Variants in ATP6V0A4 observed in about 807,000 individuals in gnomAD.
ATP6V0A4 encodes the protein V-type proton ATPase 116 kDa subunit a 4.
Under a neutral mutation model 107.3 loss-of-function variants are expected in ATP6V0A4, and 86 were observed. The ratio of observed to expected loss-of-function variants is 0.80; its 90% CI spans 0.67 to 0.96. ATP6V0A4 has a LOEUF of 0.96. Among genes scored for constraint, ATP6V0A4 ranks in the 40% least tolerant of loss-of-function variants. ATP6V0A4 has a pLI of 0.00. For missense variants in ATP6V0A4, 908 were observed against 1,045.6 expected, an observed-to-expected ratio of 0.87 and a Z score of 1.81; for synonymous variants, 353 against 381.4, an observed-to-expected ratio of 0.93 and a Z score of 0.87.
chr7:138,737,001 G>A (rs1008584897), intron 15 of ATP6V0A4, among the ~76,000 whole-genome samples: 3 of 151,190 alleles, frequency 2.0e-5, no homozygotes, highest in African/African-American at 7.3e-5. Flanking sequence ...TGCGTTAAGA[G>A]CCCAGGCTAT....
At chr7:138,712,376 C>G (rs1392355466) in intron 20 of ATP6V0A4, among the ~76,000 whole-genome samples, 1 of 152,062 alleles carries the variant, frequency 6.6e-6, no homozygotes, top group African/African-American at 2.4e-5. Context: ...GGAATTTTGG[C>G]CAGAGGACAC....
intron 2 of ATP6V0A4, among the ~76,000 whole-genome samples, chr7:138,782,538 C>T (rs1807972005): frequency 6.6e-6 from 1 of 152,162 alleles, no homozygotes; most frequent in Admixed American, 6.5e-5. Flanking sequence ...AGCCTGAATA[C>T]AGAGAAATTC....
At chr7:138,753,315 G>A (rs557233478) in intron 10 of ATP6V0A4, among the ~76,000 whole-genome samples, 47 of 152,304 alleles carry the variant, frequency 3.1e-4, no homozygotes, top group African/African-American at 9.6e-4. Flanking sequence ...CAAGGAATGC[G>A]GAGGACGGCC....
chr7:138,748,188 T>C (rs759136243), intron 12 of ATP6V0A4, among the ~76,000 whole-genome samples: 4 of 151,736 alleles, frequency 2.6e-5, no homozygotes, highest in Non-Finnish European at 5.9e-5. Context: ...CAGCTTTCTC[T>C]CTCTAGGTGC....
chr7:138,743,109 C>T (rs1805717102), intron 14 of ATP6V0A4, among the ~76,000 whole-genome samples: 1 of 152,104 alleles, frequency 6.6e-6, no homozygotes, highest in Non-Finnish European at 1.5e-5. Context: ...CTCTTGGAGC[C>T]TCTCTGTGCC....
chr7:138,742,900 CAA>C (rs563017805), intron 14 of ATP6V0A4, among the ~76,000 whole-genome samples: 5 of 131,658 alleles, frequency 3.8e-5, no homozygotes, highest in East Asian at 4.5e-4. Flanking sequence ...AATTGCAAAG[CAA>C]AAAAAAAAAA....
chr7:138,714,252 A>AAC (rs56720362), intron 20 of ATP6V0A4, among the ~76,000 whole-genome samples: 1 of 148,550 alleles, frequency 6.7e-6, no homozygotes, highest in African/African-American at 2.5e-5. Context: ...AAAAAAAAAA[A>AAC]CGCTCCTCAG....
intron 2 of ATP6V0A4, among the ~76,000 whole-genome samples, chr7:138,783,466 T>A (rs1176328247): frequency 6.6e-6 from 1 of 152,148 alleles, no homozygotes; most frequent in African/African-American, 2.4e-5. Flanking sequence ...ATGGCTCATG[T>A]CTGAATTCCA....
At chr7:138,769,764 C>G (rs571643260) in intron 3 of ATP6V0A4, among the ~76,000 whole-genome samples, 1 of 152,278 alleles carries the variant, frequency 6.6e-6, no homozygotes, top group Admixed American at 6.5e-5. Flanking sequence ...CTTCAACATT[C>G]ACCCTCTCGT....
rs1806651515 is a variant in ATP6V0A4, at chr7:138,759,037, C to G, written c.639+715G>C. 2.0e-5 allele frequency among the ~76,000 whole-genome samples: 3 copies of G among 148,412 alleles called. No homozygotes were observed. In the Admixed American group the frequency reaches 2.0e-4, roughly 10 times the overall value. ...AAGTGCTGGGATTACAGGCATGAGCCACCATGCCCAGCCTATTTTTTTTTT... is the reference window on the plus strand; with the variant it reads ...AAGTGCTGGGATTACAGGCATGAGCGACCATGCCCAGCCTATTTTTTTTTT... On this transcript the variant is annotated intron_variant, in intron 8 of 21. Transcript: ENST00000310018.
In ATP6V0A4 at chr7:138,765,735, GGTTTTTGTTTTT is replaced by G. The variant is rs57065960; in HGVS notation, c.292-2722_292-2711del. On this transcript the variant is annotated intron_variant, in intron 5 of 21. Transcript: ENST00000310018. Reference sequence around the variant, plus strand: ...ATTACTCTCCTACTTTTATGCTGGTGGTTTTTGTTTTTGTTTTTGTTTTTGTTTTTGTTTTTG... The same window carrying G: ...ATTACTCTCCTACTTTTATGCTGGTGGTTTTTGTTTTTGTTTTTGTTTTTG... Among the ~76,000 whole-genome samples, 1,407 of 151,336 alleles carry G rather than the reference GGTTTTTGTTTTT, an allele frequency of 9.3e-3. 28 individuals are homozygous for G. The highest frequency in any genetic ancestry group is 0.031 in the African/African-American group (1,268 of 41,206).
Position 138,720,796 on chromosome 7 carries a change from C to T in ATP6V0A4, c.2139+1101G>A, listed in dbSNP as rs866181769. 2.6e-5 allele frequency among the ~76,000 whole-genome samples: 4 copies of T among 152,072 alleles called. No homozygotes were observed. In the South Asian group the frequency reaches 8.3e-4, roughly 32 times the overall value. ...GGATTATAGGTGCTCACCACCATGC[C>T]TGGCTAATTTTTGTATATTTAGTAG... On this transcript the variant is annotated intron_variant, in intron 19 of 21. Coordinates refer to ENST00000310018, the MANE Select transcript of ATP6V0A4 (RefSeq NM_020632.3).
At chr7:138,718,107 G>GGA (rs1804166617) in intron 19 of ATP6V0A4, among the ~76,000 whole-genome samples, 1 of 119,422 alleles carries the variant, frequency 8.4e-6, no homozygotes, top group East Asian at 3.1e-4. Context: ...GGGGGCGGGG[G>GGA]TGCAGTCACG....
chr7:138,751,872 G>A (rs949974998), intron 11 of ATP6V0A4, among the ~76,000 whole-genome samples: 10 of 152,072 alleles, frequency 6.6e-5, no homozygotes, highest in African/African-American at 1.9e-4. Flanking sequence ...GCATGGTGGC[G>A]CGTGCCTGTA....
chr7:138,709,208 CAAAAAAA>C (rs60144433), intron 21 of ATP6V0A4, among the ~76,000 whole-genome samples: 2 of 49,334 alleles, frequency 4.1e-5, no homozygotes, highest in East Asian at 6.1e-4. Flanking sequence ...GAGCCTGTCT[CAAAAAAA>C]AAAAAAAAAA....
intron 2 of ATP6V0A4, among the ~76,000 whole-genome samples, chr7:138,785,725 C>T (rs1808148734): frequency 6.6e-6 from 1 of 152,020 alleles, no homozygotes; most frequent in Non-Finnish European, 1.5e-5. Flanking sequence ...CAACTTCCTC[C>T]ATTGTATGCA....
chr7:138,727,718 G>A lies in ATP6V0A4; in HGVS notation c.2010+1043C>T, dbSNP rs7788006. On this transcript the variant is annotated intron_variant, in intron 18 of 21. Coordinates refer to ENST00000310018, the MANE Select transcript of ATP6V0A4 (RefSeq NM_020632.3). ...ATCTACAACCATTTAAAACATACAC[G>A]GTCTCAGCACATTCCGCTTAATCTT... is the stretch of plus-strand genomic sequence containing the variant. Among the ~76,000 whole-genome samples, 1,355 of 152,210 alleles carry A rather than the reference G, an allele frequency of 8.9e-3. 22 individuals are homozygous for A. The highest frequency in any genetic ancestry group is 0.03 in the African/African-American group (1,231 of 41,524).
Position 138,746,030 on chromosome 7 carries a change from A to G in ATP6V0A4, c.1321-750T>C, listed in dbSNP as rs1399879893. ...TATATATATTTATAACATAATATAT[A>G]TTTATAATATATATTATATATATAT... On this transcript the variant is annotated intron_variant, in intron 13 of 21. Coordinates refer to ENST00000310018, the MANE Select transcript of ATP6V0A4 (RefSeq NM_020632.3). 1.6e-4 allele frequency among the ~76,000 whole-genome samples: 23 copies of G among 141,304 alleles called. 1 individual carries two copies. Among genetic ancestry groups the G allele is most frequent in the Non-Finnish European group, 3.0e-4 (20 of 66,484 alleles). The allele number at this position is 141,304 out of a possible 152,430, so 92.7% of individuals were successfully genotyped here.
Position 138,755,672 on chromosome 7 carries a change from C to T in ATP6V0A4, c.816+17G>A. 1.2e-6 allele frequency: 2 copies of T among 1,613,366 alleles called. No individual in the cohort carries two copies. Among genetic ancestry groups the T allele is most frequent in the Non-Finnish European group, 1.7e-6 (2 of 1,179,998 alleles). On this transcript the variant is annotated intron_variant, in intron 10 of 21. Transcript: ENST00000310018. The stretch of plus-strand genomic sequence containing the variant: ...CTGCAGCTGCCATCAGACCATGCGC[C>T]CAAACCCCTCACTCACGGTGATTAA...
Sources: allele counts gnomAD v4.1 joint callset (sites outside exome capture counted in the v4.1 genomes callset), GRCh38; gene constraint gnomAD v4.1.1; transcripts MANE v1.5; gene names NCBI Gene and HGNC (gene_info 2026-07-23, HGNC 2026-07-21).